RECK: variants seen among roughly 807,000 people sequenced by gnomAD.
RECK encodes reversion inducing cysteine rich protein with kazal motifs.
Under a neutral mutation model 115.1 loss-of-function variants are expected in RECK, and 69 were observed. The observed-to-expected ratio is 0.60, with a 90% CI of 0.49 to 0.73. The LOEUF (loss-of-function observed/expected upper bound fraction) is 0.73, where lower values mean the gene tolerates loss of function less well. Ranked by LOEUF, RECK falls within the 30% of genes least tolerant of loss-of-function variation. RECK has a pLI of 0.00. For synonymous variants in RECK, 414 were observed against 419.7 expected, an observed-to-expected ratio of 0.99 and a Z score of 0.17; for missense variants, 1,047 against 1,203.7, an observed-to-expected ratio of 0.87 and a Z score of 1.93.
chr9:36,056,242 TAA>T (rs148338877), intron 2 of RECK, among the ~76,000 whole-genome samples: 8 of 150,532 alleles, frequency 5.3e-5, no homozygotes, highest in Admixed American at 6.6e-5. Flanking sequence ...ATATGTCATT[TAA>T]AAAAAAAATA....
chr9:36,115,506 C>A (rs1425307881), intron 16 of RECK, among the ~76,000 whole-genome samples: 1 of 151,916 alleles, frequency 6.6e-6, no homozygotes, highest in Non-Finnish European at 1.5e-5. Context: ...CCTCTTATTT[C>A]CATATACTCA....
intron 1 of RECK, among the ~76,000 whole-genome samples, chr9:36,038,296 A>G (rs1406271433): frequency 6.6e-6 from 1 of 152,170 alleles, no homozygotes; most frequent in Non-Finnish European, 1.5e-5. Context: ...CCTGTCTCAA[A>G]AAAAAATCAA....
chr9:36,111,139 C>T (rs923700622), intron 15 of RECK, among the ~76,000 whole-genome samples: 1 of 152,162 alleles, frequency 6.6e-6, no homozygotes, highest in Admixed American at 6.5e-5. Flanking sequence ...AGCTTTACAA[C>T]TAGCAAGACC....
chr9:36,066,655 C>G (rs982155067), intron 6 of RECK: 1 of 392,836 alleles, frequency 2.5e-6, no homozygotes, highest in Admixed American at 4.6e-5. Flanking sequence ...TCTTTATTTT[C>G]TTATCTCTCT....
rs754815737 is a variant in RECK, at chr9:36,105,251, G to C, written c.1544G>C (p.Gly515Ala). ...CEVNRKGCPS[G>A]DPCLPYFCVQ... ...GTAAACCGAAAAGGATGTCCATCTG[G>C]AGATCCCTGTCTTCCATACTTTTGT... Residue 515 changes from glycine to alanine, a missense_variant, in exon 13 of 21, where the codon GGA (glycine) becomes GCA (alanine). Transcript: ENST00000377966. 1.9e-6 allele frequency: 3 copies of C among 1,613,990 alleles called. No individual in the cohort carries two copies. The highest frequency in any genetic ancestry group is 2.2e-5 in the East Asian group (1 of 44,872).
intron 8 of RECK, chr9:36,085,407 G>C (rs1235216528): frequency 6.4e-6 from 1 of 155,474 alleles, no homozygotes; most frequent in East Asian, 1.9e-4. Context: ...TGATTTATAA[G>C]ATGTCAATGT....
intron 10 of RECK, among the ~76,000 whole-genome samples, chr9:36,092,992 C>T (rs981610400): frequency 2.0e-5 from 3 of 152,112 alleles, no homozygotes; most frequent in Non-Finnish European, 2.9e-5. Context: ...CTACAAGGAA[C>T]CCAGGGGAAG....
At chr9:36,111,094 T>A (rs1025110178) in intron 15 of RECK, among the ~76,000 whole-genome samples, 3 of 152,180 alleles carry the variant, frequency 2.0e-5, no homozygotes, top group Non-Finnish European at 2.9e-5. Context: ...CTTTTTAAAA[T>A]TTTTTTGTTA....
At chr9:36,121,820 G>A in intron 20 of RECK, 132 bp downstream of exon 20, 1 of 913,662 alleles carries the variant, frequency 1.1e-6, no homozygotes, top group East Asian at 2.4e-5. Flanking sequence ...AAGTTCAGCG[G>A]GACAGGAGGG....
intron 16 of RECK, among the ~76,000 whole-genome samples, chr9:36,113,653 C>A (rs113567659): frequency 6.6e-6 from 1 of 152,078 alleles, no homozygotes; most frequent in Non-Finnish European, 1.5e-5. Flanking sequence ...GCTACATGAA[C>A]CTCAAAATTT....
At position 36,048,126 on chromosome 9, in the gene RECK, AATATAT is replaced by A. The variant is rs56726335; in HGVS notation, c.101-4110_101-4105del. Among the ~76,000 whole-genome samples, 482 of 115,364 alleles carry A rather than the reference AATATAT, an allele frequency of 4.2e-3. 26 individuals are homozygous for A. Among genetic ancestry groups the A allele is most frequent in the African/African-American group, 0.02 (450 of 23,008 alleles). The allele number at this position is 115,364 out of a possible 152,430, so 75.7% of individuals were successfully genotyped here. ...TACACACGCACAGACACACAGGTTG[AATATAT>A]ATATATATATATATATATATATATA... is the stretch of plus-strand genomic sequence containing the variant. On this transcript the variant is annotated intron_variant, in intron 1 of 20. Transcript: ENST00000377966.
At chr9:36,040,045 GT>G (rs1455618625) in intron 1 of RECK, among the ~76,000 whole-genome samples, 1 of 151,660 alleles carries the variant, frequency 6.6e-6, no homozygotes, top group Non-Finnish European at 1.5e-5. Context: ...TATAAATGTG[GT>G]TTTTAAAAGA....
At chr9:36,104,327 T>TATATATATATATA (rs1491333559) in intron 12 of RECK, among the ~76,000 whole-genome samples, 3 of 8,812 alleles carry the variant, frequency 3.4e-4, no homozygotes, top group African/African-American at 7.5e-4. Flanking sequence ...TATATATATA[T>TATATATATATATA]TTTTTTTTTT....
At chr9:36,071,532 A>AT (rs1372940904) in intron 6 of RECK, among the ~76,000 whole-genome samples, 1 of 151,990 alleles carries the variant, frequency 6.6e-6, no homozygotes, top group African/African-American at 2.4e-5. Flanking sequence ...TACGTTTTAT[A>AT]TTTTTTTACT....
intron 3 of RECK, 55 bp downstream of exon 3, chr9:36,058,956 A>G (rs1026505204): frequency 5.8e-6 from 7 of 1,214,608 alleles, no homozygotes; most frequent in Non-Finnish European, 7.8e-6. Context: ...AAACTATCCA[A>G]TGAATTACTT....
In RECK at chr9:36,062,002, T is replaced by C. The variant is rs529484414; in HGVS notation, c.272-1793T>C. Among the ~76,000 whole-genome samples the C allele has an allele frequency of 2.0e-5, 3 of 152,330 alleles. No individual in the cohort carries two copies. In the East Asian group the frequency reaches 5.8e-4, roughly 29 times the overall value. ...TGAATCCCTGACATTTTTTTTCAAATATAAATAATAATCCAACTTACTTCA... is the reference window on the plus strand; with the variant it reads ...TGAATCCCTGACATTTTTTTTCAAACATAAATAATAATCCAACTTACTTCA... On this transcript the variant is annotated intron_variant, in intron 4 of 20. Coordinates refer to ENST00000377966, the MANE Select transcript of RECK (RefSeq NM_021111.3).
At chr9:36,086,631 A>T (rs918762143) in intron 8 of RECK, among the ~76,000 whole-genome samples, 2 of 152,152 alleles carry the variant, frequency 1.3e-5, no homozygotes, top group African/African-American at 4.8e-5. Context: ...CCCCGCCCAC[A>T]TCTGCTGATT....
chr9:36,068,082 G>T (rs1822082316), intron 6 of RECK, among the ~76,000 whole-genome samples: 1 of 152,032 alleles, frequency 6.6e-6, no homozygotes. Context: ...TTAATGAGAG[G>T]GTGATGATGA....
chr9:36,122,897 A>G lies in RECK; in HGVS notation c.2768A>G (p.His923Arg), dbSNP rs1824514515. 7.4e-6 allele frequency: 12 copies of G among 1,614,172 alleles called. No homozygotes were observed. Among genetic ancestry groups the G allele is most frequent in the Non-Finnish European group, 1.0e-5 (12 of 1,180,024 alleles). Residue 923 changes from histidine (H) to arginine (R), a missense_variant, in exon 21 of 21, where the codon CAT becomes CGT. Coordinates refer to ENST00000377966, the MANE Select transcript of RECK (RefSeq NM_021111.3). Reference sequence around the variant, plus strand: ...TCTGACAGCCCGACTTTGGCGTCCCATGTCCCTCTCTCTGCCCTCATCATT... The same window carrying G: ...TCTGACAGCCCGACTTTGGCGTCCCGTGTCCCTCTCTCTGCCCTCATCATT... ...INSDSPTLASHVPLSALIISQ... is the reference protein window; with the variant it reads ...INSDSPTLASRVPLSALIISQ...
Sources: gnomAD v4.1 joint callset for allele counts (sites outside exome capture counted in the v4.1 genomes callset) on GRCh38, gnomAD v4.1.1 for gene constraint, MANE v1.5 for transcripts, NCBI Gene and HGNC (gene_info 2026-07-23, HGNC 2026-07-21) for gene names.